The following SMARCC1 variants were observed in gnomAD, a reference collection of about 807,000 sequenced individuals.
SMARCC1 encodes SWI/SNF related BAF chromatin remodeling complex subunit C1, also known as SWI/SNF complex subunit SMARCC1.
Under a neutral mutation model 147.4 loss-of-function variants are expected in SMARCC1, and 43 were observed. That is an observed-to-expected ratio of 0.29 (90% CI 0.23 to 0.38). The LOEUF (loss-of-function observed/expected upper bound fraction) is 0.38. SMARCC1 is among the 10% of genes least tolerant of loss of function. The probability of loss-of-function intolerance (pLI) is 1.00; values close to 1 mark genes in which losing one functional copy is unlikely to be tolerated. For synonymous variants in SMARCC1, 495 were observed against 484.4 expected (o/e 1.02, Z -0.29); for missense variants, 1,119 against 1,381.1 (o/e 0.81, Z 3.01).
chr3:47,748,770 C>T (rs2034594780), intron 2 of SMARCC1, among the ~76,000 whole-genome samples: 1 of 151,948 alleles, frequency 6.6e-6, no homozygotes, highest in Non-Finnish European at 1.5e-5. Flanking sequence ...ACTATTACTA[C>T]AAAATAATAT....
At chr3:47,763,841 C>G (rs985294128) in intron 2 of SMARCC1, among the ~76,000 whole-genome samples, 4 of 151,774 alleles carry the variant, frequency 2.6e-5, no homozygotes, top group Non-Finnish European at 5.9e-5. Context: ...ACCTCAGCCT[C>G]CCAAAGTAGC....
chr3:47,735,928 T>C (rs1576426391), intron 5 of SMARCC1, 106 bp downstream of exon 5: 2 of 495,420 alleles, frequency 4.0e-6, no homozygotes, highest in Admixed American at 4.0e-5. Context: ...GATGCAAATA[T>C]ATCAAAAAAT....
intron 24 of SMARCC1, among the ~76,000 whole-genome samples, chr3:47,623,134 C>CT (rs763911271): frequency 0.034 from 2,308 of 67,034 alleles, 46 homozygotes; most frequent in Non-Finnish European, 0.041. Context: ...CTACACAAGG[C>CT]TTTTTTTTTT....
intron 8 of SMARCC1, among the ~76,000 whole-genome samples, chr3:47,714,190 T>C (rs2034126940): frequency 6.6e-6 from 1 of 152,096 alleles, no homozygotes; most frequent in Non-Finnish European, 1.5e-5. Context: ...CCAGTAAAAC[T>C]CCGTCTCTAC....
intron 12 of SMARCC1, among the ~76,000 whole-genome samples, chr3:47,689,770 CAGA>C (rs2033768392): frequency 6.6e-6 from 1 of 152,052 alleles, no homozygotes; most frequent in Admixed American, 6.6e-5. Flanking sequence ...TTTTGGGTTT[CAGA>C]AGAAGTGAGT....
intron 1 of SMARCC1, among the ~76,000 whole-genome samples, chr3:47,773,776 C>G (rs931814387): frequency 2.6e-5 from 4 of 151,726 alleles, no homozygotes; most frequent in Admixed American, 2.6e-4. Context: ...ACTACAGGCG[C>G]GCAACCACCA....
chr3:47,675,622 C>T (rs1039986329), intron 17 of SMARCC1, 34 bp from the exon 18 acceptor site: 14 of 1,179,678 alleles, frequency 1.2e-5, no homozygotes, highest in Non-Finnish European at 1.4e-5. Flanking sequence ...GCTGAGTTAG[C>T]CTCTTTAAAG....
intron 3 of SMARCC1, 21 bp from the exon 4 acceptor site, chr3:47,738,131 T>A: frequency 1.3e-6 from 2 of 1,522,284 alleles, no homozygotes; most frequent in Non-Finnish European, 1.8e-6. Context: ...AGAAAAACCC[T>A]AGTTAATTTG....
chr3:47,712,167 G>A (rs991700282), intron 8 of SMARCC1, among the ~76,000 whole-genome samples: 4 of 152,168 alleles, frequency 2.6e-5, no homozygotes, highest in Non-Finnish European at 5.9e-5. Context: ...AGGAGGCGGA[G>A]GTTGCAGTGA....
chr3:47,680,413 A>G (rs541573807), intron 15 of SMARCC1, 24 bp downstream of exon 15: 2 of 1,565,918 alleles, frequency 1.3e-6, no homozygotes, highest in East Asian at 4.5e-5. Context: ...CAAATAAACA[A>G]GTTTTCTAAA....
At chr3:47,764,506 C>A (rs762896029) in intron 2 of SMARCC1, among the ~76,000 whole-genome samples, 1 of 152,174 alleles carries the variant, frequency 6.6e-6, no homozygotes, top group Non-Finnish European at 1.5e-5. Flanking sequence ...ACCTACGAAT[C>A]CACATGGTAC....
rs1200235399 is a variant in SMARCC1, at chr3:47,701,567, C to T, written c.1041-165G>A. 14 of 635,382 alleles carry T rather than the reference C, an allele frequency of 2.2e-5. No individual in the cohort carries two copies. The East Asian group carries it at 4.2e-4, about 19-fold the overall frequency. 39.4% of individuals were successfully genotyped at this position (635,382 alleles called of 1,614,324 possible). On this transcript the variant is annotated intron_variant, in intron 10 of 27. Coordinates refer to ENST00000254480, the MANE Select transcript of SMARCC1 (RefSeq NM_003074.4). ...CGGTGGTTCATGCCTGTAATCAGAG[C>T]ACTTTGGGAGGCCGAGGCAGGTGGA... is the stretch of plus-strand genomic sequence containing the variant.
rs547916513 is a variant in SMARCC1, at chr3:47,747,153, C to T, written c.316-1160G>A. Among the ~76,000 whole-genome samples the T allele has an allele frequency of 2.0e-5, 3 of 151,798 alleles. No homozygotes were observed. The East Asian group carries it at 5.8e-4, about 29-fold the overall frequency. ...TCTACAAAAAATTTAAAAATTAGGC[C>T]AGGTGCAGGAGTGGCTCACACCTGT... On this transcript the variant is annotated intron_variant, in intron 2 of 27. Transcript: ENST00000254480.
At chr3:47,671,196 A>AAAAAAAACAAC (rs753672169) in intron 18 of SMARCC1, among the ~76,000 whole-genome samples, 1 of 81,144 alleles carries the variant, frequency 1.2e-5, no homozygotes, top group Non-Finnish European at 2.4e-5. Context: ...AAAAAAAAAA[A>AAAAAAAACAAC]AACACACACA....
chr3:47,660,673 G>A (rs991023105), intron 21 of SMARCC1, among the ~76,000 whole-genome samples: 1 of 152,044 alleles, frequency 6.6e-6, no homozygotes, highest in Non-Finnish European at 1.5e-5. Context: ...TCCAGAATAG[G>A]CAAACCCATA....
chr3:47,663,491 C>A, intron 19 of SMARCC1: 1 of 636,472 alleles, frequency 1.6e-6, no homozygotes, highest in South Asian at 2.0e-5. Flanking sequence ...CACATCTGTA[C>A]TCCCAGCTAC....
chr3:47,678,246 C>A lies in SMARCC1; in HGVS notation c.1523G>T (p.Ser508Ile). 1 of 1,609,244 alleles carries A rather than the reference C, an allele frequency of 6.2e-7. No individual in the cohort carries two copies. The highest frequency in any genetic ancestry group is 8.5e-7 in the Non-Finnish European group (1 of 1,178,028). ...YRLNPQEYLT[S>I]TACRRNLTGD... Reference sequence around the variant, plus strand: ...AGTCAAGTTCCTCCGACAAGCAGTGCTAGTTAAATACTCTTGGGGGTTTAG... The same window carrying A: ...AGTCAAGTTCCTCCGACAAGCAGTGATAGTTAAATACTCTTGGGGGTTTAG... Residue 508 changes from serine (S) to isoleucine (I), a missense_variant, in exon 16 of 28, where the codon AGC becomes ATC. Ser to Ile is a moderately radical substitution (Grantham distance 142). Around this residue, in one of 6 missense-constraint regions of SMARCC1, gnomAD observed 14 missense variants for 40.3 expected, o/e 0.35. Coordinates refer to ENST00000254480, the MANE Select transcript of SMARCC1 (RefSeq NM_003074.4).
chr3:47,767,429 G>C lies in SMARCC1; in HGVS notation c.315+5388C>G, dbSNP rs571831731. Among the ~76,000 whole-genome samples the C allele has an allele frequency of 8.9e-5, 13 of 146,570 alleles. No homozygotes were observed. In the South Asian group the frequency reaches 2.8e-3, roughly 32 times the overall value. On this transcript the variant is annotated intron_variant, in intron 2 of 27. Coordinates refer to ENST00000254480, the MANE Select transcript of SMARCC1 (RefSeq NM_003074.4). ...CTAATTTTTTATTTTTAGTAGACATGGAGTTTCTCCATGTTGGTCAGGCTG... is the reference window on the plus strand; with the variant it reads ...CTAATTTTTTATTTTTAGTAGACATCGAGTTTCTCCATGTTGGTCAGGCTG...
intron 11 of SMARCC1, among the ~76,000 whole-genome samples, chr3:47,695,914 A>G (rs2033844694): frequency 1.6e-5 from 2 of 125,972 alleles, no homozygotes; most frequent in African/African-American, 3.0e-5. Context: ...AAATACAAAA[A>G]AAATCAGCCG....
Sources: gnomAD v4.1 joint callset for allele counts (sites outside exome capture counted in the v4.1 genomes callset) on GRCh38, gnomAD v4.1.1 for gene constraint, gnomAD v4.1.1 regional missense constraint, MANE v1.5 for transcripts, NCBI Gene and HGNC (gene_info 2026-07-23, HGNC 2026-07-21) for gene names.